Variants in CNMD observed in about 807,000 individuals in gnomAD.
CNMD encodes the protein chondromodulin, also known as leukocyte cell-derived chemotaxin 1.
CNMD carries 30 observed loss-of-function variants against 37.5 expected under a neutral mutation model. The observed-to-expected ratio is 0.80, with a 90% confidence interval of 0.60 to 1.09. CNMD has a LOEUF of 1.09. Ranked by LOEUF, CNMD falls within the 50% of genes least tolerant of loss-of-function variation. CNMD has a pLI of 0.00. For missense variants in CNMD, 398 were observed against 423.9 expected (o/e 0.94, Z 0.54); for synonymous variants, 167 against 148.2 (o/e 1.13, Z -0.92).
rs192455730 is a variant in CNMD at position 52,708,828 on chromosome 13, T to A, written c.623-126A>T. On this transcript the variant is annotated intron_variant, in intron 5 of 6. Coordinates refer to ENST00000377962, the MANE Select transcript of CNMD (RefSeq NM_007015.3). ...TGTGCATAACCAGATGGCTTAAAAT[T>A]TTTGTACTGATGTTTGTAGTAATAA... The A allele has an allele frequency of 7.2e-6, 5 of 696,652 alleles. No individual in the cohort carries two copies. In the Admixed American group the frequency reaches 1.4e-4, roughly 20 times the overall value. The allele number at this position is 696,652 out of a possible 1,614,324, so 43.2% of individuals were successfully genotyped here. A position where few individuals can be genotyped will look rare whatever the true frequency, so the allele number is the denominator to read the frequency against.
intron 5 of CNMD, among the ~76,000 whole-genome samples, chr13:52,712,179 G>C (rs1365513129): frequency 9.8e-6 from 1 of 102,232 alleles, no homozygotes. Flanking sequence ...TCAAAGATAT[G>C]CTCCAGCCTA....
intron 4 of CNMD, 45 bp downstream of exon 4, chr13:52,723,952 A>G (rs771576530): frequency 9.1e-6 from 11 of 1,204,406 alleles, no homozygotes; most frequent in African/African-American, 3.0e-5. Flanking sequence ...CCTTCAAACA[A>G]TGTTTGCCAA....
chr13:52,715,944 T>C (rs1964371103), intron 4 of CNMD, among the ~76,000 whole-genome samples: 2 of 152,190 alleles, frequency 1.3e-5, no homozygotes, highest in Admixed American at 1.3e-4. Context: ...TCCACAATGG[T>C]TAAACTGATT....
At chr13:52,727,525 G>A (rs1964594890) in intron 3 of CNMD, among the ~76,000 whole-genome samples, 1 of 152,122 alleles carries the variant, frequency 6.6e-6, no homozygotes. Flanking sequence ...TTAGCTAGGT[G>A]TGGTGGTGTG....
Position 52,712,761 on chromosome 13 carries a change from A to G in CNMD, c.577T>C (p.Cys193Arg). 1.9e-6 allele frequency: 3 copies of G among 1,561,242 alleles called. No homozygotes were observed. The highest frequency in any genetic ancestry group is 1.4e-5 in the African/African-American group (1 of 73,226). Residue 193 changes from cysteine to arginine, a missense_variant, in exon 5 of 7, where the codon TGC (cysteine) becomes CGC (arginine). By Grantham distance (180) the Cys-to-Arg change is radical. Transcript: ENST00000377962. Reference sequence around the variant, plus strand: ...AGCCAGAAAATAGGAAGGTCACCGCAGAGTTCTAACACCTTAGAACTCAAG... The same window carrying G: ...AGCCAGAAAATAGGAAGGTCACCGCGGAGTTCTAACACCTTAGAACTCAAG... ...SFLSSKVLEL[C>R]GDLPIFWLKP... is the part of the protein sequence containing the mutation.
intron 3 of CNMD, among the ~76,000 whole-genome samples, chr13:52,724,464 G>A (rs1028876583): frequency 5.3e-5 from 8 of 150,452 alleles, no homozygotes; most frequent in Non-Finnish European, 7.4e-5. Flanking sequence ...GGTGGCGGGC[G>A]CCTGTAGTCC....
intron 2 of CNMD, 35 bp from the exon 3 acceptor site, chr13:52,733,394 T>C: frequency 6.2e-7 from 1 of 1,609,678 alleles, no homozygotes; most frequent in Non-Finnish European, 8.5e-7. Context: ...GATGCTTTCT[T>C]TTTTGAGCAA....
intron 4 of CNMD, among the ~76,000 whole-genome samples, chr13:52,716,864 GT>G (rs1342708407): frequency 5.3e-5 from 8 of 152,130 alleles, no homozygotes; most frequent in Non-Finnish European, 1.0e-4. Flanking sequence ...ATTTAAAGTA[GT>G]TTTTTCTAAT....
At chr13:52,713,074 CCTGCCT>C (rs1431538781) in intron 4 of CNMD, among the ~76,000 whole-genome samples, 34 of 152,060 alleles carry the variant, frequency 2.2e-4, no homozygotes, top group Non-Finnish European at 1.5e-5. Flanking sequence ...CTCCTGTTGC[CCTGCCT>C]CTGGATAGCT....
At chr13:52,738,238 GC>G (rs1001993497) in intron 2 of CNMD, among the ~76,000 whole-genome samples, 74 of 152,250 alleles carry the variant, frequency 4.9e-4, no homozygotes, top group African/African-American at 1.6e-3. Flanking sequence ...AAGATAAAAT[GC>G]CCCCTTTTAC....
chr13:52,739,233 C>T lies in CNMD; in HGVS notation c.73-62G>A. ...TGCCGCCAGCACCTGCGGCCCCCAGCGCACCCGGGCCCCACGCGGTAGCCC... is the reference window on the plus strand; with the variant it reads ...TGCCGCCAGCACCTGCGGCCCCCAGTGCACCCGGGCCCCACGCGGTAGCCC... On this transcript the variant is annotated intron_variant, in intron 1 of 6. Coordinates refer to ENST00000377962, the MANE Select transcript of CNMD (RefSeq NM_007015.3). This position sits in a 1 kb window ranked among gnomAD's most constrained non-coding sequence, Gnocchi z 5.4. 1 of 1,410,554 alleles carries T rather than the reference C, an allele frequency of 7.1e-7. No homozygotes were observed. Among genetic ancestry groups the T allele is most frequent in the Non-Finnish European group, 9.2e-7 (1 of 1,085,956 alleles). 87.4% of individuals were successfully genotyped at this position (1,410,554 alleles called of 1,614,324 possible).
At chr13:52,731,933 C>T (rs1052499801) in intron 3 of CNMD, among the ~76,000 whole-genome samples, 1 of 152,242 alleles carries the variant, frequency 6.6e-6, no homozygotes, top group African/African-American at 2.4e-5. Flanking sequence ...GCAGAATCAT[C>T]TGCAAAGCTA....
rs754958273 is a variant in CNMD, at chr13:52,733,312, A to ATCTTGTAATTTCCCTTGACCCC, written c.260_261insGGGGTCAAGGGAAATTACAAGA (p.Asp87GlufsTer23). ...TCCCAGCGTCTATTTCCATTGACCC[A>ATCTTGTAATTTCCCTTGACCCC]TCTTGTAATTTCCCATTGATACTCA... is the stretch of plus-strand genomic sequence containing the variant. On this transcript the variant is annotated frameshift_variant, in exon 3 of 7. Transcript: ENST00000377962. LOFTEE classifies it high-confidence loss of function. The ATCTTGTAATTTCCCTTGACCCC allele has an allele frequency of 1.5e-5, 25 of 1,613,674 alleles. No homozygotes were observed. The highest frequency in any genetic ancestry group is 5.0e-5 in the Admixed American group (3 of 60,008).
intron 6 of CNMD, among the ~76,000 whole-genome samples, chr13:52,705,384 A>G (rs1197758140): frequency 2.0e-5 from 3 of 152,232 alleles, no homozygotes; most frequent in African/African-American, 4.8e-5. Flanking sequence ...ACATGATCTG[A>G]TACAACCCAT....
intron 4 of CNMD, among the ~76,000 whole-genome samples, chr13:52,713,788 C>T (rs1024801365): frequency 6.6e-6 from 1 of 152,170 alleles, no homozygotes; most frequent in Admixed American, 6.5e-5. Flanking sequence ...GCAAGTGGTA[C>T]ATAAATCTAC....
At position 52,703,477 on chromosome 13, in the gene CNMD, C is replaced by T. The variant is rs1964118656; in HGVS notation, c.*118G>A. The T allele has an allele frequency of 4.6e-6, 3 of 658,584 alleles. No individual in the cohort carries two copies. Among genetic ancestry groups the T allele is most frequent in the Non-Finnish European group, 7.8e-6 (3 of 385,440 alleles). The allele number at this position is 658,584 out of a possible 1,614,324, so 40.8% of individuals were successfully genotyped here. A position where few individuals can be genotyped will look rare whatever the true frequency, so the allele number is the denominator to read the frequency against. Reference sequence around the variant, plus strand: ...TTCTGTTAAGAGTGTCAAGAATAACCGCTCAGGTTGAGTGTAAAAATATTT... The same window carrying T: ...TTCTGTTAAGAGTGTCAAGAATAACTGCTCAGGTTGAGTGTAAAAATATTT... On this transcript the variant is annotated 3_prime_UTR_variant, in exon 7 of 7. Coordinates refer to ENST00000377962, the MANE Select transcript of CNMD (RefSeq NM_007015.3).
chr13:52,731,051 T>C (rs947814955), intron 3 of CNMD, among the ~76,000 whole-genome samples: 2 of 152,172 alleles, frequency 1.3e-5, no homozygotes, highest in African/African-American at 4.8e-5. Flanking sequence ...TGCACATTCA[T>C]GTTCACTATT....
chr13:52,708,498 G>A (rs200990484), intron 6 of CNMD, 38 bp downstream of exon 6: 1 of 1,582,616 alleles, frequency 6.3e-7, no homozygotes, highest in Non-Finnish European at 8.6e-7. Flanking sequence ...TATGTTTAAT[G>A]CATTTGTCTA....
At position 52,739,820 on chromosome 13, in the gene CNMD, T is replaced by C; in HGVS notation, c.-119A>G. 1.2e-6 allele frequency: 1 copy of C among 820,074 alleles called. No homozygotes were observed. Among genetic ancestry groups the C allele is most frequent in the South Asian group, 1.6e-5 (1 of 62,074 alleles). 50.8% of individuals were successfully genotyped at this position (820,074 alleles called of 1,614,324 possible). ...CGCACACACGGTGCACGGTCCCGCC[T>C]GGGCCAGCCCAGCGGTCCCCACCCC... On this transcript the variant is annotated 5_prime_UTR_variant, in exon 1 of 7. Transcript: ENST00000377962. This position sits in a 1 kb window ranked among gnomAD's most constrained non-coding sequence, Gnocchi z 5.4.
Sources: gnomAD v4.1 joint callset for allele counts (sites outside exome capture counted in the v4.1 genomes callset) on GRCh38, gnomAD v4.1.1 for gene constraint, Gnocchi (gnomAD v3.1) non-coding constraint, MANE v1.5 for transcripts, NCBI Gene and HGNC (gene_info 2026-07-23, HGNC 2026-07-21) for gene names.